USP30: variants seen among roughly 807,000 people sequenced by gnomAD.
USP30 encodes the protein ubiquitin specific peptidase 30, also known as ubiquitin carboxyl-terminal hydrolase 30.
Under a neutral mutation model 68.2 loss-of-function variants are expected in USP30, and 41 were observed. That is an observed-to-expected ratio of 0.60 (90% CI 0.47 to 0.78). The LOEUF is 0.78. Among genes scored for constraint, USP30 ranks in the 30% least tolerant of loss-of-function variants. USP30 has a pLI of 0.00. For synonymous variants in USP30, 229 were observed against 253.7 expected (o/e 0.90, Z 0.93); for missense variants, 522 against 649.4 (o/e 0.80, Z 2.13).
At chr12:109,082,629 G>A in intron 9 of USP30, 34 bp from the exon 10 acceptor site, 1 of 1,606,236 alleles carries the variant, frequency 6.2e-7, no homozygotes, top group Non-Finnish European at 8.5e-7. Flanking sequence ...CCTATTTTAG[G>A]CATTGCTGCA....
chr12:109,058,792 G>A (rs2135722271), intron 3 of USP30, among the ~76,000 whole-genome samples: 1 of 152,258 alleles, frequency 6.6e-6, no homozygotes, highest in East Asian at 1.9e-4. Flanking sequence ...AAACTCAAAT[G>A]TTCGACTCGA....
chr12:109,085,562 T>G (rs1566109712), intron 12 of USP30, 105 bp from the exon 13 acceptor site: 1 of 1,390,788 alleles, frequency 7.2e-7, no homozygotes, highest in Non-Finnish European at 9.9e-7. Flanking sequence ...GGTATGGACT[T>G]ACCATTGTAT....
intron 3 of USP30, among the ~76,000 whole-genome samples, chr12:109,041,646 GA>G (rs2040566166): frequency 6.6e-6 from 1 of 150,598 alleles, no homozygotes; most frequent in Non-Finnish European, 1.5e-5. Flanking sequence ...AAAAAAAAAA[GA>G]AAAAAGAAAA....
chr12:109,047,742 C>T (rs1476842071), upstream of USP30: 4 of 152,250 alleles, frequency 2.6e-5, no homozygotes, highest in African/African-American at 4.8e-5. Context: ...AGAGAGGGTA[C>T]TTTGGGAGGC....
intron 7 of USP30, among the ~76,000 whole-genome samples, chr12:109,078,611 AAG>A (rs1491028238): frequency 6.6e-6 from 1 of 152,094 alleles, no homozygotes; most frequent in Non-Finnish European, 1.5e-5. Context: ...AAAAAAAAAA[AAG>A]AGTTGCCTTC....
chr12:109,029,622 C>T (rs2040467453), intron 3 of USP30, among the ~76,000 whole-genome samples: 1 of 152,214 alleles, frequency 6.6e-6, no homozygotes, highest in Non-Finnish European at 1.5e-5. Context: ...CCCTCCGTGC[C>T]TGAGCTATCT....
At chr12:109,077,486 A>G (rs2135801205) in intron 7 of USP30, among the ~76,000 whole-genome samples, 1 of 152,274 alleles carries the variant, frequency 6.6e-6, no homozygotes, top group East Asian at 1.9e-4. Context: ...TGAATGATTC[A>G]TTTTTAATCT....
rs1489692624 is a variant in USP30 at position 109,070,858 on chromosome 12, G to T, written c.481-754G>T. On this transcript the variant is annotated intron_variant, in intron 4 of 12. Transcript: ENST00000257548. The surrounding 1 kb of genome is among the most constrained non-coding windows in gnomAD (Gnocchi z 4.0). ...TACTCAGGTTAATAGCAGCATGTTCGCAATAGCCAAGGGGTAGAAGCAACC... is the reference window on the plus strand; with the variant it reads ...TACTCAGGTTAATAGCAGCATGTTCTCAATAGCCAAGGGGTAGAAGCAACC... 6.6e-6 allele frequency among the ~76,000 whole-genome samples: 1 copy of T among 152,176 alleles called. No homozygotes were observed. Among genetic ancestry groups the T allele is most frequent in the African/African-American group, 2.4e-5 (1 of 41,420 alleles).
intron 3 of USP30, among the ~76,000 whole-genome samples, chr12:109,028,167 T>C (rs989286418): frequency 1.3e-5 from 2 of 152,222 alleles, no homozygotes; most frequent in African/African-American, 4.8e-5. Flanking sequence ...ATATCTTCCT[T>C]GAGGAAATGT....
chr12:109,073,823 T>C (rs1251233545), intron 7 of USP30, among the ~76,000 whole-genome samples: 1 of 152,190 alleles, frequency 6.6e-6, no homozygotes, highest in African/African-American at 2.4e-5. Flanking sequence ...GCTGGTTTTT[T>C]CCCCTTTACT....
Position 109,083,081 on chromosome 12 carries a change from C to T in USP30, c.1168+19C>T, listed in dbSNP as rs778324432. ...ACACCAGGTGTGTGCGCGCGAGGAG[C>T]CGATGCAGCAGGAATTTTCAGCACA... On this transcript the variant is annotated intron_variant, in intron 11 of 12. Transcript: ENST00000257548. 6 of 1,567,748 alleles carry T rather than the reference C, an allele frequency of 3.8e-6. No individual in the cohort carries two copies. The South Asian group carries it at 5.9e-5, about 16-fold the overall frequency.
At chr12:109,034,334 A>G (rs928823005) in intron 3 of USP30, among the ~76,000 whole-genome samples, 1 of 152,200 alleles carries the variant, frequency 6.6e-6, no homozygotes, top group Non-Finnish European at 1.5e-5. Flanking sequence ...TAGAGAACAT[A>G]TTTTATATGA....
chr12:109,065,874 G>A (rs1486966845), intron 3 of USP30, among the ~76,000 whole-genome samples: 1 of 152,170 alleles, frequency 6.6e-6, no homozygotes, highest in Non-Finnish European at 1.5e-5. Flanking sequence ...GTCCTGAAAT[G>A]TTATTTTCTT....
chr12:109,032,650 T>C (rs2040490736), intron 3 of USP30, among the ~76,000 whole-genome samples: 1 of 152,204 alleles, frequency 6.6e-6, no homozygotes, highest in Non-Finnish European at 1.5e-5. Context: ...GGAATGGGGT[T>C]GTGGAGGGGG....
intron 3 of USP30, among the ~76,000 whole-genome samples, chr12:109,063,186 G>A (rs539807149): frequency 1.4e-4 from 21 of 151,982 alleles, no homozygotes; most frequent in South Asian, 4.2e-4. Flanking sequence ...TGCCACTTCC[G>A]CCTTCCAGAT....
chr12:109,063,568 G>A (rs953157617), intron 3 of USP30, among the ~76,000 whole-genome samples: 2 of 152,214 alleles, frequency 1.3e-5, no homozygotes, highest in Non-Finnish European at 2.9e-5. Flanking sequence ...ACACTCAGAA[G>A]TAGAATTGCT....
chr12:109,032,690 C>G (rs7967169), intron 3 of USP30, among the ~76,000 whole-genome samples: 113,390 of 152,108 alleles, frequency 0.75, 42,995 homozygotes, highest in East Asian at 0.97. Flanking sequence ...ATACATATGA[C>G]GACTCTTTTA....
chr12:109,067,516 GT>G lies in USP30; in HGVS notation c.377-5del. 6.2e-7 allele frequency: 1 copy of G among 1,608,096 alleles called. No homozygotes were observed. On this transcript the variant is annotated splice_region_variant and splice_polypyrimidine_tract_variant and intron_variant, in intron 3 of 12. Coordinates refer to ENST00000257548, the MANE Select transcript of USP30 (RefSeq NM_032663.5). ...ATTTAATAATTGTCTTACCTTTTTT[GT>G]TTCCAGCCTTGTCCTGCCAAGAAGT...
At chr12:109,056,075 G>A (rs1484457587) in intron 1 of USP30, among the ~76,000 whole-genome samples, 4 of 152,196 alleles carry the variant, frequency 2.6e-5, no homozygotes, top group African/African-American at 2.4e-5. Context: ...GGCTGGTAAC[G>A]TTCCATGTGG....
Sources: gnomAD v4.1 joint callset for allele counts (sites outside exome capture counted in the v4.1 genomes callset) on GRCh38, gnomAD v4.1.1 for gene constraint, Gnocchi (gnomAD v3.1) non-coding constraint, MANE v1.5 for transcripts, NCBI Gene and HGNC (gene_info 2026-07-23, HGNC 2026-07-21) for gene names.